The following CFAP69 variants were observed in gnomAD, a reference collection of about 807,000 sequenced individuals.
CFAP69 encodes the protein cilia and flagella associated protein 69, also known as cilia- and flagella-associated protein 69.
In CFAP69, 92 loss-of-function variants were observed where a neutral mutation model predicts 123.0. The ratio of observed to expected loss-of-function variants is 0.75; its 90% CI spans 0.63 to 0.89. The LOEUF (loss-of-function observed/expected upper bound fraction) is 0.89, where lower values mean the gene tolerates loss of function less well. Ranked by LOEUF, CFAP69 falls within the 40% of genes least tolerant of loss-of-function variation. The probability of loss-of-function intolerance (pLI) is 0.00; values close to 1 mark genes in which losing one functional copy is unlikely to be tolerated. For missense variants in CFAP69, 1,067 were observed against 1,096.9 expected, an observed-to-expected ratio of 0.97 and a Z score of 0.39; for synonymous variants, 380 against 364.3, an observed-to-expected ratio of 1.04 and a Z score of -0.49.
rs908518158 is a variant in CFAP69, at chr7:90,280,033, T to G, written c.1372+140T>G. 3 of 582,114 alleles carry G rather than the reference T, an allele frequency of 5.2e-6. No individual in the cohort carries two copies. The African/African-American group carries it at 5.8e-5, about 11-fold the overall frequency. 36.1% of individuals were successfully genotyped at this position (582,114 alleles called of 1,614,324 possible). Reference sequence around the variant, plus strand: ...ACACAGACCTATCTTCTTAATGTATTTATATGTTGTTTTAAGAAAAACACA... The same window carrying G: ...ACACAGACCTATCTTCTTAATGTATGTATATGTTGTTTTAAGAAAAACACA... On this transcript the variant is annotated intron_variant, in intron 12 of 22. Coordinates refer to ENST00000389297, the MANE Select transcript of CFAP69 (RefSeq NM_001039706.3).
At chr7:90,296,484 T>C (rs1355708967) in intron 15 of CFAP69, among the ~76,000 whole-genome samples, 1 of 151,990 alleles carries the variant, frequency 6.6e-6, no homozygotes, top group Non-Finnish European at 1.5e-5. Context: ...CCCACCACCA[T>C]GCCCGGCTGA....
chr7:90,306,774 C>G (rs1419903310), intron 19 of CFAP69, 127 bp from the exon 20 acceptor site: 9 of 656,544 alleles, frequency 1.4e-5, no homozygotes, highest in Non-Finnish European at 5.4e-6. Flanking sequence ...GCACTTATTC[C>G]CAGGAAGTAA....
chr7:90,259,125 C>T (rs146928304), intron 3 of CFAP69, among the ~76,000 whole-genome samples: 41 of 152,170 alleles, frequency 2.7e-4, no homozygotes, highest in East Asian at 7.7e-4. Context: ...ACTATCTGTA[C>T]GTAAAAGCCA....
At chr7:90,301,592 G>T (rs561899862) in intron 17 of CFAP69, 1 of 152,064 alleles carries the variant, frequency 6.6e-6, no homozygotes, top group Non-Finnish European at 1.5e-5. Context: ...TTGGTTTTCT[G>T]TTCCTGTGTT....
At chr7:90,277,525 A>G (rs1229078289) in intron 11 of CFAP69, among the ~76,000 whole-genome samples, 191 bp downstream of exon 11, 1 of 152,206 alleles carries the variant, frequency 6.6e-6, no homozygotes, top group African/African-American at 2.4e-5. Context: ...TGAAGTACTT[A>G]AATTTAAACC....
Position 90,276,291 on chromosome 7 carries a change from T to A in CFAP69, c.985-782T>A, listed in dbSNP as rs1176444311. 2.6e-5 allele frequency: 4 copies of A among 152,232 alleles called. No homozygotes were observed. In the East Asian group the frequency reaches 7.7e-4, roughly 29 times the overall value. The allele number at this position is 152,232 out of a possible 1,614,324, so 9.4% of individuals were successfully genotyped here. A position where few individuals can be genotyped will look rare whatever the true frequency, so the allele number is the denominator to read the frequency against. ...TGCTACATAGTATCCTAGTTAAAGC[T>A]GCAACTTATAGGTAGACCTTTGTTT... On this transcript the variant is annotated intron_variant, in intron 9 of 22. Transcript: ENST00000389297.
rs556052821 is a variant in CFAP69 at position 90,274,186 on chromosome 7, T to G, written c.984+76T>G. ...GGGTGAAAGAAGTCCTATATTATGT[T>G]GGAATATTTGTGTATTTTCTTGTAA... On this transcript the variant is annotated intron_variant, in intron 9 of 22. Coordinates refer to ENST00000389297, the MANE Select transcript of CFAP69 (RefSeq NM_001039706.3). The G allele has an allele frequency of 9.5e-4, 1,445 of 1,515,108 alleles. 6 individuals are homozygous for G. The highest frequency in any genetic ancestry group is 2.0e-3 in the South Asian group (160 of 80,758). The allele number at this position is 1,515,108 out of a possible 1,614,324, so 93.9% of individuals were successfully genotyped here. A position where few individuals can be genotyped will look rare whatever the true frequency, so the allele number is the denominator to read the frequency against.
chr7:90,309,604 C>T (rs1794086330), intron 22 of CFAP69, among the ~76,000 whole-genome samples: 1 of 151,498 alleles, frequency 6.6e-6, no homozygotes, highest in Non-Finnish European at 1.5e-5. Flanking sequence ...ATGGGATTTT[C>T]ATCTCACATT....
downstream of CFAP69, among the ~76,000 whole-genome samples, chr7:90,313,554 C>T (rs1008894068): frequency 5.9e-5 from 9 of 152,084 alleles, no homozygotes; most frequent in African/African-American, 9.7e-5. Flanking sequence ...CTAAGGCTGG[C>T]GCAGAAATAT....
intron 6 of CFAP69, 63 bp from the exon 7 acceptor site, chr7:90,271,461 ATT>A: frequency 6.8e-7 from 1 of 1,470,324 alleles, no homozygotes; most frequent in East Asian, 2.3e-5. Context: ...TAAATTACTC[ATT>A]CTTTTGTCTT....
rs113428170 is a variant in CFAP69, at chr7:90,272,432, G to A, written c.860+474G>A. The stretch of plus-strand genomic sequence containing the variant: ...TATAGATATTGTCTCTGCTTTCGTG[G>A]AATTTACATTGTGCTAGGAGGGATG... On this transcript the variant is annotated intron_variant, in intron 8 of 22. Coordinates refer to ENST00000389297, the MANE Select transcript of CFAP69 (RefSeq NM_001039706.3). 5.9e-3 allele frequency among the ~76,000 whole-genome samples: 897 copies of A among 152,150 alleles called. 15 individuals carry two copies. The highest frequency in any genetic ancestry group is 0.02 in the African/African-American group (848 of 41,518).
downstream of CFAP69, among the ~76,000 whole-genome samples, chr7:90,312,088 T>G (rs1044768583): frequency 6.6e-6 from 1 of 152,194 alleles, no homozygotes; most frequent in Non-Finnish European, 1.5e-5. Flanking sequence ...AGACCATATC[T>G]CATTAATTAT....
chr7:90,290,743 GT>G (rs1791004912), intron 15 of CFAP69, among the ~76,000 whole-genome samples: 1 of 121,802 alleles, frequency 8.2e-6, no homozygotes, highest in Non-Finnish European at 1.7e-5. Context: ...TAGAAACAAT[GT>G]CTTTTCTTTT....
chr7:90,281,276 A>G (rs1264552705), intron 12 of CFAP69, among the ~76,000 whole-genome samples: 1 of 152,068 alleles, frequency 6.6e-6, no homozygotes, highest in Non-Finnish European at 1.5e-5. Context: ...TTTAACCAAC[A>G]TGCAATACTC....
At chr7:90,304,356 C>T in intron 18 of CFAP69, 1 of 1,241,956 alleles carries the variant, frequency 8.1e-7, no homozygotes, top group African/African-American at 1.6e-5. Flanking sequence ...GGATTAAGGA[C>T]AGTTAGTTTA....
At chr7:90,291,057 G>A (rs1791112810) in intron 15 of CFAP69, among the ~76,000 whole-genome samples, 1 of 152,066 alleles carries the variant, frequency 6.6e-6, no homozygotes, top group Non-Finnish European at 1.5e-5. Context: ...ATAGGAAAGG[G>A]TTCCTGATCC....
chr7:90,287,842 AT>A, intron 14 of CFAP69: 1 of 755,572 alleles, frequency 1.3e-6, no homozygotes, highest in Non-Finnish European at 1.6e-6. Context: ...TCTCGGGGTC[AT>A]TAGAAAATCT....
intron 15 of CFAP69, among the ~76,000 whole-genome samples, chr7:90,290,745 CTTTTCTTTTCTTTTCTTTTCTTTTCTTTT>C (rs1791012137): frequency 1.5e-3 from 1 of 662 alleles, no homozygotes; most frequent in Non-Finnish European, 3.7e-3. Flanking sequence ...GAAACAATGT[CTTTTCTTTTCTTTTCTTTTCTTTTCTTTT>C]CTTTTCTTTT....
rs373450068 is a variant in CFAP69 at position 90,265,464 on chromosome 7, T to A, written c.433+87T>A. ...AATATCTATTTTCCCCAAGTTTCAC[T>A]AAGAGGACTCCTTCTCCATGTCTAG... is the stretch of plus-strand genomic sequence containing the variant. On this transcript the variant is annotated intron_variant, in intron 5 of 22. Coordinates refer to ENST00000389297, the MANE Select transcript of CFAP69 (RefSeq NM_001039706.3). 2.2e-3 allele frequency: 1,821 copies of A among 829,908 alleles called. 53 individuals are homozygous for A. The South Asian group carries it at 0.028, about 13-fold the overall frequency. The allele number at this position is 829,908 out of a possible 1,614,324, so 51.4% of individuals were successfully genotyped here. A position where few individuals can be genotyped will look rare whatever the true frequency, so the allele number is the denominator to read the frequency against.
Sources: gnomAD v4.1 joint callset for allele counts (sites outside exome capture counted in the v4.1 genomes callset) on GRCh38, gnomAD v4.1.1 for gene constraint, MANE v1.5 for transcripts, NCBI Gene and HGNC (gene_info 2026-07-23, HGNC 2026-07-21) for gene names.